The following TPD52L2 variants were observed in gnomAD, a reference collection of about 807,000 sequenced individuals.
TPD52L2 encodes TPD52 like 2.
In TPD52L2, 19 loss-of-function variants were observed where a neutral mutation model predicts 24.7. The ratio of observed to expected loss-of-function variants is 0.77; its 90% confidence interval spans 0.54 to 1.13. The LOEUF is 1.13. Among genes scored for constraint, TPD52L2 ranks in the 50% most tolerant of loss-of-function variants. TPD52L2 has a pLI of 0.00. For missense variants in TPD52L2, 236 were observed against 250.4 expected (o/e 0.94, Z 0.39); for synonymous variants, 104 against 100.2 (o/e 1.04, Z -0.23).
chr20:63,872,859 G>A (rs746369380), intron 2 of TPD52L2, among the ~76,000 whole-genome samples: 2 of 151,942 alleles, frequency 1.3e-5, no homozygotes, highest in South Asian at 2.1e-4. Flanking sequence ...GCCCGCCACC[G>A]TGCCTGGCTA....
intron 1 of TPD52L2, among the ~76,000 whole-genome samples, chr20:63,867,892 C>T (rs1476430528): frequency 6.6e-6 from 1 of 151,258 alleles, no homozygotes; most frequent in Middle Eastern, 3.2e-3. Context: ...CCCGCCTCAG[C>T]CTCCCAAAGT....
At position 63,877,588 on chromosome 20, in the gene TPD52L2, G is replaced by A. The variant is rs572502755; in HGVS notation, c.374+1713G>A. On this transcript the variant is annotated intron_variant, in intron 4 of 6. Transcript: ENST00000346249. This position sits in a 1 kb window ranked among gnomAD's most constrained non-coding sequence, Gnocchi z 4.1. The stretch of plus-strand genomic sequence containing the variant: ...CTTGCAGTTTGGGCATCAGGCGGAC[G>A]CACAGTGCAGACTCAGTCTGAAAAT... 2.0e-5 allele frequency among the ~76,000 whole-genome samples: 3 copies of A among 152,230 alleles called. No homozygotes were observed. Among genetic ancestry groups the A allele is most frequent in the Admixed American group, 6.5e-5 (1 of 15,282 alleles).
intron 2 of TPD52L2, 78 bp downstream of exon 2, chr20:63,869,519 G>A: frequency 6.3e-7 from 1 of 1,574,894 alleles, no homozygotes; most frequent in East Asian, 2.3e-5. Context: ...CAGGGTACTG[G>A]CCACGCTCGG....
Position 63,890,676 on chromosome 20 carries a change from G to A in TPD52L2, c.*731G>A, listed in dbSNP as rs1235765610. ...TAATTTTTATATGTATATAGATGAG[G>A]GTTCCTTAATGGTTGTGAGCATTGT... is the stretch of plus-strand genomic sequence containing the variant. On this transcript the variant is annotated 3_prime_UTR_variant, in exon 7 of 7. Coordinates refer to ENST00000346249, the MANE Select transcript of TPD52L2 (RefSeq NM_003288.4). 1.3e-5 allele frequency: 2 copies of A among 152,602 alleles called. No homozygotes were observed. The highest frequency in any genetic ancestry group is 4.8e-5 in the African/African-American group (2 of 41,424). 9.5% of individuals were successfully genotyped at this position (152,602 alleles called of 1,614,324 possible).
intron 1 of TPD52L2, 30 bp from the exon 2 acceptor site, chr20:63,869,266 C>T: frequency 2.5e-6 from 4 of 1,612,924 alleles, no homozygotes; most frequent in Non-Finnish European, 3.4e-6. Flanking sequence ...ACTTATTTGA[C>T]ACTTTGTGGC....
rs2053295087 is a variant in TPD52L2 at position 63,890,757 on chromosome 20, T to C, written c.*812T>C. 1.3e-5 allele frequency: 2 copies of C among 152,500 alleles called. No homozygotes were observed. The highest frequency in any genetic ancestry group is 2.9e-5 in the Non-Finnish European group (2 of 68,066). The allele number at this position is 152,500 out of a possible 1,614,324, so 9.4% of individuals were successfully genotyped here. A position where few individuals can be genotyped will look rare whatever the true frequency, so the allele number is the denominator to read the frequency against. On this transcript the variant is annotated 3_prime_UTR_variant, in exon 7 of 7. Coordinates refer to ENST00000346249, the MANE Select transcript of TPD52L2 (RefSeq NM_003288.4). ...CCTCTTCCAGTTGAGGTGTTTTATG[T>C]CACGCACACTCCATCCCAGTGTACA...
At chr20:63,886,511 G>A (rs567209498) in intron 5 of TPD52L2, among the ~76,000 whole-genome samples, 1,740 of 151,938 alleles carry the variant, frequency 0.011, 15 homozygotes, top group Non-Finnish European at 0.018. Flanking sequence ...ACAGGCGCCC[G>A]CCGCCACGCC....
chr20:63,886,351 C>T (rs1480675904), intron 5 of TPD52L2, among the ~76,000 whole-genome samples: 5 of 151,838 alleles, frequency 3.3e-5, no homozygotes, highest in Admixed American at 3.3e-4. Context: ...CCTGAGTTTA[C>T]TCCTGAAAAG....
At position 63,877,049 on chromosome 20, in the gene TPD52L2, A is replaced by G. The variant is rs1322496901; in HGVS notation, c.374+1174A>G. 1 of 435,866 alleles carries G rather than the reference A, an allele frequency of 2.3e-6. No individual in the cohort carries two copies. Among genetic ancestry groups the G allele is most frequent in the Admixed American group, 2.6e-5 (1 of 37,924 alleles). 27.0% of individuals were successfully genotyped at this position (435,866 alleles called of 1,614,324 possible). On this transcript the variant is annotated intron_variant, in intron 4 of 6. Coordinates refer to ENST00000346249, the MANE Select transcript of TPD52L2 (RefSeq NM_003288.4). The surrounding 1 kb of genome is among the most constrained non-coding windows in gnomAD (Gnocchi z 4.1). Reference sequence around the variant, plus strand: ...GTTTGTTTGGTTTTTTTTTTGAGACAACGTCTCGTTCTGTCTCCCAGGCTG... The same window carrying G: ...GTTTGTTTGGTTTTTTTTTTGAGACGACGTCTCGTTCTGTCTCCCAGGCTG...
chr20:63,882,655 T>C, intron 4 of TPD52L2, 64 bp from the exon 5 acceptor site: 13 of 1,348,272 alleles, frequency 9.6e-6, no homozygotes, highest in Non-Finnish European at 1.4e-5. Context: ...AGTGCTTTGT[T>C]TGCTTGGCTG....
At chr20:63,874,100 G>A (rs2052568889) in intron 3 of TPD52L2, among the ~76,000 whole-genome samples, 1 of 152,070 alleles carries the variant, frequency 6.6e-6, no homozygotes, top group South Asian at 2.1e-4. Flanking sequence ...CGCCCAGGCT[G>A]GAGTGTAGTG....
chr20:63,874,221 T>TG (rs1423024788), intron 3 of TPD52L2, among the ~76,000 whole-genome samples: 88 of 138,828 alleles, frequency 6.3e-4, no homozygotes, highest in African/African-American at 2.3e-3. Flanking sequence ...CCGGCTGATT[T>TG]TTTTTTTTGT....
chr20:63,886,312 G>A (rs563937251), intron 5 of TPD52L2, among the ~76,000 whole-genome samples: 2 of 151,910 alleles, frequency 1.3e-5, no homozygotes, highest in Non-Finnish European at 2.9e-5. Flanking sequence ...CTGCTGCCGG[G>A]TCTGTGAATA....
chr20:63,873,379 C>G (rs1202019411), intron 2 of TPD52L2, among the ~76,000 whole-genome samples: 1 of 151,482 alleles, frequency 6.6e-6, no homozygotes, highest in Non-Finnish European at 1.5e-5. Flanking sequence ...ATCCCAGCTA[C>G]TTGGGAGGCT....
At chr20:63,873,539 G>A (rs1275096672) in intron 2 of TPD52L2, 129 bp from the exon 3 acceptor site, 8 of 1,045,824 alleles carry the variant, frequency 7.6e-6, no homozygotes, top group Non-Finnish European at 1.1e-5. Context: ...TGTAGATGCT[G>A]TTATTCCTAG....
chr20:63,874,218 A>AT lies in TPD52L2; in HGVS notation c.314+413dup, dbSNP rs532097736. On this transcript the variant is annotated intron_variant, in intron 3 of 6. Coordinates refer to ENST00000346249, the MANE Select transcript of TPD52L2 (RefSeq NM_003288.4). ...AGGCGCCTCCCACCGCGCCCGGCTG[A>AT]TTTTTTTTTTTGTGTGTGTGTGTGT... 2.0e-3 allele frequency among the ~76,000 whole-genome samples: 266 copies of AT among 133,604 alleles called. 2 individuals are homozygous for AT. The highest frequency in any genetic ancestry group is 0.012 in the Middle Eastern group (3 of 260). 87.6% of individuals were successfully genotyped at this position (133,604 alleles called of 152,430 possible).
intron 5 of TPD52L2, 110 bp from the exon 6 acceptor site, chr20:63,889,080 G>A (rs749992586): frequency 9.0e-6 from 8 of 889,436 alleles, no homozygotes; most frequent in Non-Finnish European, 1.5e-5. Context: ...ATCTTGGGAT[G>A]TTGTTAGGGA....
chr20:63,882,735 G>A lies in TPD52L2; in HGVS notation c.391G>A (p.Glu131Lys), dbSNP rs1194627395. The change falls in exon 5 of 7, where the codon GAA becomes AAA. Residue 131 changes from glutamate (E) to lysine (K), a missense_variant. Coordinates refer to ENST00000346249, the MANE Select transcript of TPD52L2 (RefSeq NM_003288.4). Reference protein sequence around the residue: ...TQSDLYKKTQETLSQAGQKTS... With the variant: ...TQSDLYKKTQKTLSQAGQKTS... The stretch of plus-strand genomic sequence containing the variant: ...GTCTTCCAGCTACAAGAAGACTCAG[G>A]AAACTCTTTCACAGGCAGGACAGAA... The A allele has an allele frequency of 6.2e-7, 1 of 1,614,110 alleles. No individual in the cohort carries two copies. Among genetic ancestry groups the A allele is most frequent in the African/African-American group, 1.3e-5 (1 of 75,066 alleles).
intron 1 of TPD52L2, among the ~76,000 whole-genome samples, chr20:63,868,910 C>T (rs1192229168): frequency 6.6e-6 from 1 of 152,158 alleles, no homozygotes; most frequent in Non-Finnish European, 1.5e-5. Context: ...CATTGCACTC[C>T]AGCTTGGGAG....
Sources: allele counts gnomAD v4.1 joint callset (sites outside exome capture counted in the v4.1 genomes callset), GRCh38; gene constraint gnomAD v4.1.1; non-coding constraint Gnocchi (gnomAD v3.1); transcripts MANE v1.5; gene names NCBI Gene and HGNC (gene_info 2026-07-23, HGNC 2026-07-21).